The following NPEPPS variants were observed in gnomAD, a reference collection of about 807,000 sequenced individuals.
NPEPPS encodes aminopeptidase puromycin sensitive, also known as puromycin-sensitive aminopeptidase.
NPEPPS carries 14 observed loss-of-function variants against 115.5 expected under a neutral mutation model. The observed-to-expected ratio is 0.12, with a 90% confidence interval of 0.08 to 0.19. The LOEUF is 0.19. Ranked by LOEUF, NPEPPS falls within the 10% of genes least tolerant of loss-of-function variation. The probability of loss-of-function intolerance (pLI) is 1.00; values close to 1 mark genes in which losing one functional copy is unlikely to be tolerated. For missense variants in NPEPPS, 523 were observed against 1,110.8 expected (o/e 0.47, Z 7.52); for synonymous variants, 285 against 390.6 (o/e 0.73, Z 3.19).
intron 3 of NPEPPS, among the ~76,000 whole-genome samples, chr17:47,572,485 A>C (rs1054230186): frequency 6.6e-6 from 1 of 151,944 alleles, no homozygotes; most frequent in Non-Finnish European, 1.5e-5. Context: ...AGTTAAAAAA[A>C]AAACAAACAA....
chr17:47,574,517 A>C (rs1234569041), intron 3 of NPEPPS, among the ~76,000 whole-genome samples: 2 of 152,252 alleles, frequency 1.3e-5, no homozygotes, highest in Admixed American at 6.5e-5. Flanking sequence ...ACACACACAC[A>C]CACGACATAA....
At chr17:47,615,073 C>CTTTTTTTTTTTT (rs60829784) in intron 19 of NPEPPS, among the ~76,000 whole-genome samples, 24 of 122,490 alleles carry the variant, frequency 2.0e-4, no homozygotes, top group African/African-American at 5.4e-4. Flanking sequence ...TACTTTCTTT[C>CTTTTTTTTTTTT]TTTTTTTTTT....
chr17:47,560,305 G>A (rs1273097353), intron 2 of NPEPPS, among the ~76,000 whole-genome samples: 2 of 152,144 alleles, frequency 1.3e-5, no homozygotes, highest in African/African-American at 4.8e-5. Context: ...AGAATCCTGA[G>A]TGATTTTAAC....
chr17:47,588,025 A>G (rs1197161640), intron 9 of NPEPPS, among the ~76,000 whole-genome samples: 2 of 151,660 alleles, frequency 1.3e-5, no homozygotes, highest in Admixed American at 6.6e-5. Context: ...AACTAGATGT[A>G]CCTCTGCAAT....
chr17:47,562,891 T>A (rs968856131), intron 2 of NPEPPS, among the ~76,000 whole-genome samples: 1 of 152,146 alleles, frequency 6.6e-6, no homozygotes, highest in South Asian at 2.1e-4. Flanking sequence ...ATTCTTGTTA[T>A]TGATTTTTTA....
rs1469633869 is a variant in NPEPPS, at chr17:47,612,033, T to A, written c.2096-427T>A. Among the ~76,000 whole-genome samples, 4 of 152,244 alleles carry A rather than the reference T, an allele frequency of 2.6e-5. No individual in the cohort carries two copies. The East Asian group carries it at 7.7e-4, about 29-fold the overall frequency. ...TGGCTATTTGTGTGTCTTGGAGGAA[T>A]GGACCCATCAGATTTTGATTTTTAA... On this transcript the variant is annotated intron_variant, in intron 17 of 22. Transcript: ENST00000322157.
At chr17:47,614,190 A>G (rs1335686776) in intron 19 of NPEPPS, among the ~76,000 whole-genome samples, 1 of 152,040 alleles carries the variant, frequency 6.6e-6, no homozygotes, top group Non-Finnish European at 1.5e-5. Context: ...GCTGGTCTCA[A>G]ATTCCTGGGG....
chr17:47,601,960 C>T, intron 15 of NPEPPS: 1 of 497,760 alleles, frequency 2.0e-6, no homozygotes, highest in Non-Finnish European at 3.5e-6. Flanking sequence ...AGGCATAGGA[C>T]TAAGGAGGAG....
chr17:47,545,777 G>C, intron 1 of NPEPPS, 132 bp from the exon 2 acceptor site: 1 of 1,376,804 alleles, frequency 7.3e-7, no homozygotes, highest in Non-Finnish European at 9.9e-7. Flanking sequence ...TCACTCCTGG[G>C]CTCAAGCGAT....
At chr17:47,528,237 G>A (rs1907519256), upstream of NPEPPS, among the ~76,000 whole-genome samples, 1 of 152,028 alleles carries the variant, frequency 6.6e-6, no homozygotes. Flanking sequence ...ATGAGGTGGA[G>A]GTTGCAGTGA....
intron 2 of NPEPPS, among the ~76,000 whole-genome samples, chr17:47,548,590 CTTTTTTTTT>C (rs538733982): frequency 4.8e-5 from 5 of 104,726 alleles, no homozygotes; most frequent in African/African-American, 1.4e-4. Context: ...CTGAAAAGTT[CTTTTTTTTT>C]TTTTTTTTTT....
In NPEPPS at chr17:47,585,672, A is replaced by G; in HGVS notation, c.821A>G (p.Lys274Arg). Reference protein sequence around the residue: ...VCVRVYTPVGKAEQGKFALEV... With the variant: ...VCVRVYTPVGRAEQGKFALEV... ...GTCCGTGTTTACACTCCTGTTGGCA[A>G]AGCAGAGCAAGGAAAATTTGCGTTA... Residue 274 changes from lysine (K) to arginine (R), a missense_variant, in exon 6 of 23, where the codon AAA becomes AGA. Lys to Arg is a conservative substitution (Grantham distance 26). This residue lies in a region of NPEPPS where 144 missense variants were observed against 512.4 expected (regional missense o/e 0.28). Transcript: ENST00000322157. 6.2e-7 allele frequency: 1 copy of G among 1,613,926 alleles called. No homozygotes were observed. Among genetic ancestry groups the G allele is most frequent in the Non-Finnish European group, 8.5e-7 (1 of 1,179,866 alleles).
chr17:47,556,299 A>G (rs866266481), intron 2 of NPEPPS, among the ~76,000 whole-genome samples: 1 of 151,254 alleles, frequency 6.6e-6, no homozygotes, highest in African/African-American at 2.4e-5. Flanking sequence ...CGAGCATGCT[A>G]CCTTCAAGCA....
intron 2 of NPEPPS, among the ~76,000 whole-genome samples, chr17:47,547,066 C>G (rs1455214089): frequency 1.3e-5 from 2 of 151,642 alleles, no homozygotes; most frequent in Non-Finnish European, 2.9e-5. Flanking sequence ...AAGTCATACT[C>G]CTAATTCGGA....
intron 22 of NPEPPS, among the ~76,000 whole-genome samples, chr17:47,620,890 T>C (rs1013157508): frequency 3.9e-5 from 6 of 152,186 alleles, no homozygotes; most frequent in Non-Finnish European, 8.8e-5. Flanking sequence ...ACTTAGAAAT[T>C]GTTTGGTTTA....
chr17:47,528,110 T>C (rs1210530564), upstream of NPEPPS, among the ~76,000 whole-genome samples: 1 of 150,826 alleles, frequency 6.6e-6, no homozygotes, highest in African/African-American at 2.4e-5. Context: ...GAGACCAGCC[T>C]GGCTAACATG....
intron 1 of NPEPPS, among the ~76,000 whole-genome samples, chr17:47,535,201 C>T (rs150385327): frequency 0.043 from 5,610 of 131,612 alleles, 405 homozygotes; most frequent in African/African-American, 0.16. Flanking sequence ...TGAGATTGCG[C>T]CACTGCACTC....
chr17:47,613,837 T>G (rs1453587592), intron 19 of NPEPPS, 112 bp downstream of exon 19: 1 of 710,292 alleles, frequency 1.4e-6, no homozygotes, highest in Non-Finnish European at 2.4e-6. Flanking sequence ...AGATGCATAT[T>G]GTAGACATGC....
chr17:47,583,638 G>A (rs1912019683), intron 5 of NPEPPS, among the ~76,000 whole-genome samples: 1 of 151,884 alleles, frequency 6.6e-6, no homozygotes. Flanking sequence ...AAGAAAGCCA[G>A]GTACAGTGAC....
Sources: allele counts gnomAD v4.1 joint callset (sites outside exome capture counted in the v4.1 genomes callset), GRCh38; gene constraint gnomAD v4.1.1; regional missense constraint gnomAD v4.1.1; transcripts MANE v1.5; gene names NCBI Gene and HGNC (gene_info 2026-07-23, HGNC 2026-07-21).